MALRD1: variants seen among roughly 807,000 people sequenced by gnomAD.
MALRD1 encodes the protein MAM and LDL receptor class A domain containing 1.
A neutral mutation model predicts 242.1 loss-of-function variants in MALRD1; 247 were observed. The ratio of observed to expected loss-of-function variants is 1.02; its 90% confidence interval spans 0.92 to 1.13. The LOEUF is 1.13. Ranked by LOEUF, MALRD1 falls within the 50% of genes most tolerant of loss-of-function variation. MALRD1 has a pLI of 0.00. For synonymous variants in MALRD1, 995 were observed against 866.6 expected (o/e 1.15, Z -2.60); for missense variants, 2,989 against 2,533.1 (o/e 1.18, Z -3.86).
rs533846440 is a variant in MALRD1, at chr10:19,155,078, C to G, written c.1562C>G (p.Ser521Trp). ...ADHTANINHG[S>W]FIYLEAQRSP... is the part of the protein sequence containing the mutation. ...GACTTTCCCTTTGTTTTTTCAGGAT[C>G]GTTTATTTATTTGGAGGCACAGCGC... The change falls in exon 12 of 40, where the codon TCG becomes TGG. Residue 521 changes from serine (S) to tryptophan (W), a missense_variant. By Grantham distance (177) the Ser-to-Trp change is radical. Coordinates refer to ENST00000454679, the MANE Select transcript of MALRD1 (RefSeq NM_001142308.3). 5.7e-6 allele frequency: 7 copies of G among 1,231,136 alleles called. No individual in the cohort carries two copies. In the African/African-American group the frequency reaches 1.1e-4, roughly 19 times the overall value. The allele number at this position is 1,231,136 out of a possible 1,614,324, so 76.3% of individuals were successfully genotyped here.
At chr10:19,384,597 A>T (rs886563355) in intron 26 of MALRD1, among the ~76,000 whole-genome samples, 5 of 127,622 alleles carry the variant, frequency 3.9e-5, no homozygotes, top group Non-Finnish European at 1.6e-5. Flanking sequence ...TATATTATAT[A>T]ATATATAGTA....
intron 28 of MALRD1, among the ~76,000 whole-genome samples, chr10:19,448,298 A>C (rs1156569888): frequency 6.6e-6 from 1 of 152,118 alleles, no homozygotes; most frequent in Non-Finnish European, 1.5e-5. Context: ...CATTTCCCTA[A>C]ATCTTCTCTA....
At position 19,352,970 on chromosome 10, in the gene MALRD1, T is replaced by A. The variant is rs561943790; in HGVS notation, c.4441+673T>A. ...TTATTAACGAGACAAAGGAGTAAAT[T>A]TTCTTAGCCAGTGATATGATAGATA... On this transcript the variant is annotated intron_variant, in intron 26 of 39. Coordinates refer to ENST00000454679, the MANE Select transcript of MALRD1 (RefSeq NM_001142308.3). 2.1e-4 allele frequency among the ~76,000 whole-genome samples: 32 copies of A among 152,044 alleles called. 1 individual carries two copies. The highest frequency in any genetic ancestry group is 5.9e-4 in the Admixed American group (9 of 15,256).
At chr10:19,300,829 C>T (rs1264977886) in intron 21 of MALRD1, among the ~76,000 whole-genome samples, 3 of 151,902 alleles carry the variant, frequency 2.0e-5, no homozygotes, top group Non-Finnish European at 4.4e-5. Flanking sequence ...GATGCCAAAG[C>T]AATGGTAACA....
chr10:19,087,362 T>C (rs1835703898), intron 2 of MALRD1, among the ~76,000 whole-genome samples: 1 of 152,096 alleles, frequency 6.6e-6, no homozygotes, highest in Admixed American at 6.6e-5. Context: ...TGCAATTAGC[T>C]ATGTCACTGG....
chr10:19,262,825 T>C (rs1839814800), intron 19 of MALRD1, among the ~76,000 whole-genome samples: 1 of 152,140 alleles, frequency 6.6e-6, no homozygotes, highest in Non-Finnish European at 1.5e-5. Flanking sequence ...GCTAACTACC[T>C]CTGTACTCTG....
intron 26 of MALRD1, among the ~76,000 whole-genome samples, chr10:19,358,180 T>C (rs1241962798): frequency 1.5e-5 from 2 of 134,902 alleles, no homozygotes; most frequent in Non-Finnish European, 3.2e-5. Context: ...ATATATGCAA[T>C]CAGGGCAGGA....
intron 28 of MALRD1, among the ~76,000 whole-genome samples, chr10:19,434,450 T>A (rs2483090): frequency 0.58 from 87,321 of 151,840 alleles, 25,831 homozygotes; most frequent in Middle Eastern, 0.67. Context: ...ATTTTATTTT[T>A]AAAAATTCAA....
chr10:19,406,592 G>A (rs1564313515), intron 28 of MALRD1, among the ~76,000 whole-genome samples: 1 of 152,150 alleles, frequency 6.6e-6, no homozygotes, highest in African/African-American at 2.4e-5. Flanking sequence ...ATGTTAGAAA[G>A]GGTGAATGTT....
At chr10:19,730,029 G>C (rs576849248) in intron 38 of MALRD1, among the ~76,000 whole-genome samples, 8 of 152,122 alleles carry the variant, frequency 5.3e-5, no homozygotes, top group Non-Finnish European at 1.0e-4. Flanking sequence ...GAGCCACCAC[G>C]CCCGGCCTAT....
chr10:19,445,722 T>G (rs1408071744), intron 28 of MALRD1, among the ~76,000 whole-genome samples: 1 of 152,240 alleles, frequency 6.6e-6, no homozygotes, highest in Admixed American at 6.5e-5. Context: ...GGGAGGTGTC[T>G]CCCACTTAGG....
At chr10:19,204,099 A>G (rs972312119) in intron 15 of MALRD1, among the ~76,000 whole-genome samples, 4 of 152,202 alleles carry the variant, frequency 2.6e-5, no homozygotes, top group African/African-American at 9.7e-5. Context: ...TGAAATTACC[A>G]ATGGTCTTTG....
At chr10:19,068,331 T>A (rs1031997779) in intron 2 of MALRD1, among the ~76,000 whole-genome samples, 2 of 152,058 alleles carry the variant, frequency 1.3e-5, no homozygotes, top group African/African-American at 4.8e-5. Context: ...ATGCATATTT[T>A]TAATTGCCTA....
intron 10 of MALRD1, among the ~76,000 whole-genome samples, chr10:19,141,155 A>C (rs1169157061): frequency 6.6e-6 from 1 of 152,230 alleles, no homozygotes; most frequent in East Asian, 1.9e-4. Flanking sequence ...AAAATACAAC[A>C]TGCCAAACAT....
chr10:19,463,295 T>G (rs1836036929), intron 29 of MALRD1, among the ~76,000 whole-genome samples: 1 of 151,954 alleles, frequency 6.6e-6, no homozygotes, highest in Non-Finnish European at 1.5e-5. Context: ...TGAACCCAAT[T>G]TGTAGTTTTT....
At chr10:19,332,171 A>C (rs1479025716) in intron 24 of MALRD1, among the ~76,000 whole-genome samples, 1 of 47,080 alleles carries the variant, frequency 2.1e-5, no homozygotes, top group Non-Finnish European at 4.5e-5. Context: ...GCCTGAAATA[A>C]ATGTTGTTTT....
rs1834410968 is a variant in MALRD1, at chr10:19,049,095, G to T, written c.157G>T (p.Asp53Tyr). 6 of 1,233,788 alleles carry T rather than the reference G, an allele frequency of 4.9e-6. No individual in the cohort carries two copies. The highest frequency in any genetic ancestry group is 4.2e-5 in the Admixed American group (1 of 23,714). 76.4% of individuals were successfully genotyped at this position (1,233,788 alleles called of 1,614,324 possible). The change falls in exon 1 of 40, where the codon GAC (aspartate) becomes TAC (tyrosine). Residue 53 changes from aspartate (D) to tyrosine (Y), a missense_variant. Asp to Tyr is a radical substitution (Grantham distance 160). Transcript: ENST00000454679. ...GVSLPPDSICDFTDQCGDSSD... is the reference protein window; with the variant it reads ...GVSLPPDSICYFTDQCGDSSD... ...CTCCTTGCCTCCTGACAGCATTTGT[G>T]ACTTCACAGATCAGTGTGGGGATAG...
chr10:19,174,037 A>C (rs1323676912), intron 13 of MALRD1, among the ~76,000 whole-genome samples: 1 of 152,192 alleles, frequency 6.6e-6, no homozygotes, highest in African/African-American at 2.4e-5. Flanking sequence ...AGGCCTGAAG[A>C]CCAGGGAAAA....
At chr10:19,718,690 G>A (rs556510317) in intron 38 of MALRD1, among the ~76,000 whole-genome samples, 2 of 152,270 alleles carry the variant, frequency 1.3e-5, no homozygotes, top group East Asian at 3.9e-4. Flanking sequence ...TGAAAAGGTT[G>A]AATAATGCTG....
Sources: gnomAD v4.1 joint callset for allele counts (sites outside exome capture counted in the v4.1 genomes callset) on GRCh38, gnomAD v4.1.1 for gene constraint, MANE v1.5 for transcripts, NCBI Gene and HGNC (gene_info 2026-07-23, HGNC 2026-07-21) for gene names.